Variants in TPP2 observed in about 807,000 individuals in gnomAD.
The protein encoded by TPP2 is tripeptidyl peptidase 2, also known as tripeptidyl-peptidase 2.
Under a neutral mutation model 155.9 loss-of-function variants are expected in TPP2, and 34 were observed. The observed-to-expected ratio is 0.22, with a 90% CI of 0.17 to 0.29. TPP2 has a LOEUF of 0.29. Ranked by LOEUF, TPP2 falls within the 10% of genes least tolerant of loss-of-function variation. The pLI is 1.00. For missense variants in TPP2, 1,028 were observed against 1,522.3 expected (o/e 0.68, Z 5.40); for synonymous variants, 510 against 529.4 (o/e 0.96, Z 0.50).
chr13:102,645,710 G>A (rs1883053153), intron 19 of TPP2, among the ~76,000 whole-genome samples: 2 of 152,308 alleles, frequency 1.3e-5, no homozygotes, highest in South Asian at 2.1e-4. Flanking sequence ...GCTAAATTTA[G>A]AGTAGATTAT....
intron 18 of TPP2, 55 bp downstream of exon 18, chr13:102,644,728 G>A (rs886495019): frequency 6.8e-7 from 1 of 1,475,188 alleles, no homozygotes; most frequent in African/African-American, 1.4e-5. Context: ...TGTTACTGGA[G>A]AGTAACTTCA....
chr13:102,604,021 G>C (rs1355179817), intron 1 of TPP2, among the ~76,000 whole-genome samples: 1 of 152,186 alleles, frequency 6.6e-6, no homozygotes, highest in African/African-American at 2.4e-5. Context: ...GTCAACTGAA[G>C]TAAAGAATCA....
At chr13:102,605,544 G>GTATT (rs1879755635) in intron 2 of TPP2, among the ~76,000 whole-genome samples, 1 of 152,114 alleles carries the variant, frequency 6.6e-6, no homozygotes, top group Non-Finnish European at 1.5e-5. Context: ...CAGTGAGCTT[G>GTATT]CCAAATTTTA....
At chr13:102,652,662 A>G (rs1883596665) in intron 24 of TPP2, among the ~76,000 whole-genome samples, 1 of 151,958 alleles carries the variant, frequency 6.6e-6, no homozygotes, top group Non-Finnish European at 1.5e-5. Flanking sequence ...AAATGTCCAT[A>G]TTATTACATA....
chr13:102,631,641 A>G (rs1882027940), intron 10 of TPP2: 1 of 152,240 alleles, frequency 6.6e-6, no homozygotes, highest in Non-Finnish European at 1.5e-5. Flanking sequence ...TTAAAGAATT[A>G]TTTTAAGAAA....
intron 6 of TPP2, among the ~76,000 whole-genome samples, chr13:102,624,852 C>CTTTTTTTTT (rs1029486604): frequency 3.6e-5 from 3 of 83,430 alleles, no homozygotes; most frequent in Non-Finnish European, 6.4e-5. Context: ...TTTTTTTTTC[C>CTTTTTTTTT]TTTTTTTTTT....
At position 102,618,692 on chromosome 13, in the gene TPP2, C is replaced by G. The variant is rs61711503; in HGVS notation, c.496-30C>G. 9.7e-4 allele frequency: 1,560 copies of G among 1,610,168 alleles called. 15 individuals carry two copies. The African/African-American group carries it at 0.019, about 19-fold the overall frequency. ...ACAACTTTTAGAAGGACAGAATGTA[C>G]TAATGTTAATCAGTTTTCCAACTGA... On this transcript the variant is annotated intron_variant, in intron 4 of 29. Coordinates refer to ENST00000376052, the MANE Select transcript of TPP2 (RefSeq NM_001330588.2).
At chr13:102,655,010 G>A (rs677179) in intron 24 of TPP2, 231,742 of 506,780 alleles carry the variant, frequency 0.46, 54,249 homozygotes, top group African/African-American at 0.6. Context: ...TGTTTCACGT[G>A]AGGCCTTTGT....
chr13:102,608,742 T>C (rs564193501), intron 2 of TPP2, among the ~76,000 whole-genome samples: 1 of 152,250 alleles, frequency 6.6e-6, no homozygotes, highest in South Asian at 2.1e-4. Flanking sequence ...TTTCTTAGTC[T>C]CCTATTCTGC....
At chr13:102,624,526 C>T (rs922550345) in intron 6 of TPP2, among the ~76,000 whole-genome samples, 4 of 152,154 alleles carry the variant, frequency 2.6e-5, no homozygotes, top group East Asian at 1.9e-4. Flanking sequence ...ACCCACATCC[C>T]GGGGAACCAC....
In TPP2 at chr13:102,614,146, A is replaced by G. The variant is rs760464628; in HGVS notation, c.340A>G (p.Ile114Val). The change falls in exon 3 of 30, where the codon ATA becomes GTA. Residue 114 changes from isoleucine to valine, a missense_variant. Physicochemically the swap from Ile to Val is conservative, Grantham distance 29. Around this residue, in one of 7 missense-constraint regions of TPP2, gnomAD observed 300 missense variants for 398.3 expected, o/e 0.75. Transcript: ENST00000376052. ...TCCCTCAGGCAAATATCATATTGGC[A>G]TAAAAAATGGCTATGACTTCTATCC... ...TNPSGKYHIGIKNGYDFYPKA... is the reference protein window; with the variant it reads ...TNPSGKYHIGVKNGYDFYPKA... 9.3e-6 allele frequency: 15 copies of G among 1,613,560 alleles called. No homozygotes were observed. The Middle Eastern group carries it at 8.2e-4, about 88-fold the overall frequency.
chr13:102,676,464 T>G (rs758137807), intron 29 of TPP2, 49 bp downstream of exon 29: 2 of 1,589,734 alleles, frequency 1.3e-6, no homozygotes, highest in Non-Finnish European at 1.7e-6. Flanking sequence ...TGATATTGCA[T>G]AGTGACAAGA....
At chr13:102,619,638 G>A (rs1161723646) in intron 5 of TPP2, among the ~76,000 whole-genome samples, 1 of 152,174 alleles carries the variant, frequency 6.6e-6, no homozygotes, top group Non-Finnish European at 1.5e-5. Context: ...CCTCCCACGT[G>A]TGCAGGTACT....
At position 102,627,092 on chromosome 13, in the gene TPP2, G is replaced by C; in HGVS notation, c.865G>C (p.Ala289Pro). Residue 289 changes from alanine to proline, a missense_variant, in exon 7 of 30, where the codon GCT (alanine) becomes CCT (proline). Around this residue, in one of 7 missense-constraint regions of TPP2, gnomAD observed 300 missense variants for 398.3 expected, o/e 0.75. Transcript: ENST00000376052. The stretch of plus-strand genomic sequence containing the variant: ...TGAACGGAATGGGGTAGCTCCTGGT[G>C]CTCAAATTCTTTCCATCAAGATTGG... ...EPERNGVAPG[A>P]QILSIKIGDT... 6.2e-7 allele frequency: 1 copy of C among 1,600,436 alleles called. No homozygotes were observed. Among genetic ancestry groups the C allele is most frequent in the Non-Finnish European group, 8.5e-7 (1 of 1,173,402 alleles).
rs3831118 is a variant in TPP2, at chr13:102,643,135, A to AT, written c.2021-86dup. On this transcript the variant is annotated intron_variant, in intron 16 of 29. Coordinates refer to ENST00000376052, the MANE Select transcript of TPP2 (RefSeq NM_001330588.2). ...CCTATTATGTCCCTACATGGGAATT[A>AT]TCCCTAAGTGGGCATTATTAAAGCC... The AT allele has an allele frequency of 0.47, 591,982 of 1,272,088 alleles. 140,711 individuals are homozygous for AT. The highest frequency in any genetic ancestry group is 0.6 in the African/African-American group (38,520 of 64,716). The allele number at this position is 1,272,088 out of a possible 1,614,324, so 78.8% of individuals were successfully genotyped here.
chr13:102,599,538 C>A (rs966039825), intron 1 of TPP2, among the ~76,000 whole-genome samples: 4 of 152,090 alleles, frequency 2.6e-5, no homozygotes, highest in Non-Finnish European at 4.4e-5. Flanking sequence ...CGGGTGGGGT[C>A]TGAATAAAGG....
At chr13:102,669,774 C>G (rs1268179081) in intron 27 of TPP2, among the ~76,000 whole-genome samples, 2 of 152,126 alleles carry the variant, frequency 1.3e-5, no homozygotes, top group Non-Finnish European at 2.9e-5. Context: ...GCAGTGATGT[C>G]ATAACCTGCA....
At chr13:102,619,955 G>A (rs780303013) in intron 5 of TPP2, among the ~76,000 whole-genome samples, 53 of 152,258 alleles carry the variant, frequency 3.5e-4, no homozygotes, top group Admixed American at 3.3e-4. Context: ...TGGGAAAGGA[G>A]GCAAGGTTAA....
intron 8 of TPP2, among the ~76,000 whole-genome samples, chr13:102,628,256 ACT>A (rs1201475635): frequency 6.6e-6 from 1 of 151,356 alleles, no homozygotes; most frequent in Admixed American, 6.6e-5. Context: ...CAACCCACAG[ACT>A]CTGGTGTTTT....
Sources: gnomAD v4.1 joint callset for allele counts (sites outside exome capture counted in the v4.1 genomes callset) on GRCh38, gnomAD v4.1.1 for gene constraint, gnomAD v4.1.1 regional missense constraint, MANE v1.5 for transcripts, NCBI Gene and HGNC (gene_info 2026-07-23, HGNC 2026-07-21) for gene names.